Variants in STOX1 observed in about 807,000 individuals in gnomAD.
The protein encoded by STOX1 is storkhead-box protein 1.
STOX1 carries 57 observed loss-of-function variants against 74.8 expected under a neutral mutation model. The ratio of observed to expected loss-of-function variants is 0.76; its 90% CI spans 0.62 to 0.95. The LOEUF is 0.95. Ranked by LOEUF, STOX1 falls within the 40% of genes least tolerant of loss-of-function variation. The pLI is 0.00. For missense variants in STOX1, 1,010 were observed against 1,117.0 expected, an observed-to-expected ratio of 0.90 and a Z score of 1.37; for synonymous variants, 375 against 401.3, an observed-to-expected ratio of 0.93 and a Z score of 0.78.
At position 68,892,883 on chromosome 10, in the gene STOX1, T is replaced by G; in HGVS notation, c.*147T>G. On this transcript the variant is annotated 3_prime_UTR_variant, in exon 4 of 4. Transcript: ENST00000298596. Reference sequence around the variant, plus strand: ...ACCACATTACACATTTTGTTCTAATTACTGGCTTTTTTTCCTCTTTTGGTG... The same window carrying G: ...ACCACATTACACATTTTGTTCTAATGACTGGCTTTTTTTCCTCTTTTGGTG... 2 of 933,974 alleles carry G rather than the reference T, an allele frequency of 2.1e-6. No individual in the cohort carries two copies. The highest frequency in any genetic ancestry group is 3.2e-6 in the Non-Finnish European group (2 of 632,634). 57.9% of individuals were successfully genotyped at this position (933,974 alleles called of 1,614,324 possible).
chr10:68,894,443 G>A (rs1841157031), downstream of STOX1, among the ~76,000 whole-genome samples: 1 of 152,196 alleles, frequency 6.6e-6, no homozygotes, highest in Admixed American at 6.5e-5. Flanking sequence ...TGCAGTCCCT[G>A]TGGAAGTGCA....
At chr10:68,833,077 TG>T (rs1290893534) in intron 1 of STOX1, among the ~76,000 whole-genome samples, 1 of 140,450 alleles carries the variant, frequency 7.1e-6, no homozygotes, top group Non-Finnish European at 1.5e-5. Flanking sequence ...GCCACTTCTG[TG>T]GGTTTTTTTT....
intron 1 of STOX1, among the ~76,000 whole-genome samples, chr10:68,856,096 G>A (rs536143743): frequency 6.6e-6 from 1 of 152,146 alleles, no homozygotes; most frequent in Admixed American, 6.5e-5. Context: ...GCACAGGGTA[G>A]CAGGTTGGGA....
chr10:68,886,868 C>G (rs1230508819), intron 3 of STOX1, among the ~76,000 whole-genome samples: 1 of 150,794 alleles, frequency 6.6e-6, no homozygotes, highest in Non-Finnish European at 1.5e-5. Context: ...TGTAGTGAGC[C>G]GAGATCGTGC....
intron 1 of STOX1, among the ~76,000 whole-genome samples, chr10:68,862,932 C>G (rs1213526764): frequency 6.6e-6 from 1 of 152,046 alleles, no homozygotes; most frequent in Non-Finnish European, 1.5e-5. Context: ...ATTACAGGAG[C>G]AGATTCATTA....
rs777713498 is a variant in STOX1 at position 68,884,957 on chromosome 10, GA to G, written c.1167del (p.Lys389AsnfsTer12). On this transcript the variant is annotated frameshift_variant, in exon 3 of 4. Coordinates refer to ENST00000298596, the MANE Select transcript of STOX1 (RefSeq NM_152709.5). LOFTEE classifies it high-confidence loss of function. ...TVLMQKYEEQ[K>X]KYNSQGTSTD... ...TCCTAATGCAAAAATACGAAGAACA[GA>G]AAAAATATAATAGCCAGGGCACTTC... 1.9e-6 allele frequency: 3 copies of G among 1,614,074 alleles called. No individual in the cohort carries two copies. Among genetic ancestry groups the G allele is most frequent in the Non-Finnish European group, 1.7e-6 (2 of 1,180,014 alleles).
chr10:68,828,255 G>C, intron 1 of STOX1: 5 of 1,126,854 alleles, frequency 4.4e-6, no homozygotes, highest in Non-Finnish European at 4.4e-6. Context: ...CGCGGCTTCC[G>C]CATCAGGGCG....
rs1589237114 is a variant in STOX1 at position 68,884,820 on chromosome 10, T to C, written c.1024T>C (p.Trp342Arg). 1 of 1,614,160 alleles carries C rather than the reference T, an allele frequency of 6.2e-7. No individual in the cohort carries two copies. Among genetic ancestry groups the C allele is most frequent in the East Asian group, 2.2e-5 (1 of 44,888 alleles). The change falls in exon 3 of 4, where the codon TGG (tryptophan) becomes CGG (arginine). Residue 342 changes from tryptophan (W) to arginine (R), a missense_variant. By Grantham distance (101) the Trp-to-Arg change is moderately radical (BLOSUM62 -3). Transcript: ENST00000298596. ...SFSAQFPPEE[W>R]PVRDEDDLDN... ...CTCTGCTCAGTTCCCACCTGAAGAA[T>C]GGCCCGTCCGAGATGAAGATGACTT...
At position 68,885,335 on chromosome 10, in the gene STOX1, T is replaced by G. The variant is rs770965287; in HGVS notation, c.1539T>G (p.Ile513Met). The G allele has an allele frequency of 3.1e-6, 5 of 1,614,058 alleles. No homozygotes were observed. Among genetic ancestry groups the G allele is most frequent in the Non-Finnish European group, 4.2e-6 (5 of 1,180,008 alleles). The change falls in exon 3 of 4, where the codon ATT becomes ATG. Residue 513 changes from isoleucine to methionine, a missense_variant. By Grantham distance (10) the Ile-to-Met change is conservative. Transcript: ENST00000298596. ...RGSTISKGHK[I>M]QKTSDLKPSQ... ...GCACAATATCCAAAGGGCACAAAAT[T>G]CAGAAGACGAGTGATCTGAAACCCA...
intron 1 of STOX1, among the ~76,000 whole-genome samples, chr10:68,833,851 C>G (rs150915747): frequency 6.6e-6 from 1 of 152,208 alleles, no homozygotes; most frequent in Admixed American, 6.5e-5. Context: ...TGAGCCATTG[C>G]ACCCGGCCCG....
chr10:68,877,871 G>C (rs1200588084), intron 1 of STOX1, among the ~76,000 whole-genome samples: 2 of 152,214 alleles, frequency 1.3e-5, no homozygotes, highest in East Asian at 3.8e-4. Context: ...TTTCAAGGAA[G>C]GGAAACTTTT....
intron 3 of STOX1, among the ~76,000 whole-genome samples, chr10:68,889,664 A>G (rs1280539746): frequency 6.6e-6 from 1 of 152,198 alleles, no homozygotes; most frequent in African/African-American, 2.4e-5. Context: ...CCTGGGTTCA[A>G]GCAATTCTCA....
In STOX1 at chr10:68,886,221, C is replaced by T. The variant is rs775770177; in HGVS notation, c.2425C>T (p.Pro809Ser). ...CAAACCCACTGGGCTGCATGCTACC[C>T]CAGGTGAAAGCCAAGAACCTAACCT... is the stretch of plus-strand genomic sequence containing the variant. ...CYKPTGLHAT[P>S]GESQEPNLSA... The change falls in exon 3 of 4, where the codon CCA (proline) becomes TCA (serine). Residue 809 changes from proline (P) to serine (S), a missense_variant. Coordinates refer to ENST00000298596, the MANE Select transcript of STOX1 (RefSeq NM_152709.5). The T allele has an allele frequency of 6.2e-7, 1 of 1,614,142 alleles. No homozygotes were observed.
chr10:68,879,034 C>T (rs1320496064), intron 1 of STOX1, among the ~76,000 whole-genome samples: 1 of 152,158 alleles, frequency 6.6e-6, no homozygotes, highest in African/African-American at 2.4e-5. Context: ...GGATCAGGGG[C>T]TCTGAATCAG....
chr10:68,834,167 A>C (rs1839483829), intron 1 of STOX1, among the ~76,000 whole-genome samples: 1 of 152,170 alleles, frequency 6.6e-6, no homozygotes, highest in African/African-American at 2.4e-5. Context: ...TGATCCCCCA[A>C]ATCCCTCTGA....
chr10:68,887,872 G>A (rs1223010618), intron 3 of STOX1, among the ~76,000 whole-genome samples: 1 of 152,062 alleles, frequency 6.6e-6, no homozygotes, highest in Non-Finnish European at 1.5e-5. Context: ...TGCAATTACA[G>A]GCGTGAGCTG....
chr10:68,858,437 G>C (rs1433569129), intron 1 of STOX1, among the ~76,000 whole-genome samples: 1 of 152,096 alleles, frequency 6.6e-6, no homozygotes, highest in Non-Finnish European at 1.5e-5. Flanking sequence ...CTGAAGAAAA[G>C]GGAATTCACA....
At chr10:68,841,507 CA>C (rs1369243607) in intron 1 of STOX1, among the ~76,000 whole-genome samples, 1 of 151,998 alleles carries the variant, frequency 6.6e-6, no homozygotes, top group Non-Finnish European at 1.5e-5. Context: ...TAAATGTTAG[CA>C]TATTACATGT....
intron 1 of STOX1, among the ~76,000 whole-genome samples, chr10:68,847,123 G>A (rs986485102): frequency 6.6e-6 from 1 of 152,162 alleles, no homozygotes; most frequent in Non-Finnish European, 1.5e-5. Flanking sequence ...AAGGAATAAG[G>A]AATTCAGGTG....
Sources: allele counts gnomAD v4.1 joint callset (sites outside exome capture counted in the v4.1 genomes callset), GRCh38; gene constraint gnomAD v4.1.1; transcripts MANE v1.5; gene names NCBI Gene and HGNC (gene_info 2026-07-23, HGNC 2026-07-21).